Variants in CTBP2 observed in about 807,000 individuals in gnomAD.
CTBP2 encodes the protein C-terminal binding protein 2.
CTBP2 carries 30 observed loss-of-function variants against 80.3 expected under a neutral mutation model. The ratio of observed to expected loss-of-function variants is 0.37; its 90% CI spans 0.28 to 0.51. The LOEUF is 0.51. Ranked by LOEUF, CTBP2 falls within the 20% of genes least tolerant of loss-of-function variation. The probability of loss-of-function intolerance (pLI) is 0.93; values close to 1 mark genes in which losing one functional copy is unlikely to be tolerated. For synonymous variants in CTBP2, 594 were observed against 587.4 expected (o/e 1.01, Z -0.16); for missense variants, 1,212 against 1,375.3 (o/e 0.88, Z 1.88).
chr10:125,091,236 A>G (rs1476964911), intron 2 of CTBP2, among the ~76,000 whole-genome samples: 2 of 152,228 alleles, frequency 1.3e-5, no homozygotes, highest in Admixed American at 1.3e-4. Context: ...ACAATCTGCC[A>G]TATCGAATGG....
chr10:125,072,037 G>C (rs1210742321), intron 2 of CTBP2, among the ~76,000 whole-genome samples: 1 of 152,156 alleles, frequency 6.6e-6, no homozygotes, highest in African/African-American at 2.4e-5. Flanking sequence ...CTGAGACCTG[G>C]ACATGGGCTT....
intron 1 of CTBP2, among the ~76,000 whole-genome samples, chr10:125,015,314 T>C (rs912641880): frequency 2.6e-5 from 4 of 152,176 alleles, no homozygotes; most frequent in African/African-American, 9.7e-5. Flanking sequence ...TCTCTTCGAG[T>C]CCTGCACTGT....
intron 1 of CTBP2, among the ~76,000 whole-genome samples, chr10:125,023,632 TG>T (rs1454979030): frequency 1.3e-5 from 2 of 152,236 alleles, no homozygotes; most frequent in South Asian, 2.1e-4. Context: ...TGGGCCGCAC[TG>T]GGGTCCCCGC....
rs1217570050 is a variant in CTBP2, at chr10:124,993,749, C to T, written c.2531+106G>A. ...CTGTAAATGTCATCTCTGGAGTTTCCTGCCCAGGGACCTGTTTGGGAAAAG... is the reference window on the plus strand; with the variant it reads ...CTGTAAATGTCATCTCTGGAGTTTCTTGCCCAGGGACCTGTTTGGGAAAAG... On this transcript the variant is annotated intron_variant, in intron 6 of 8. Transcript: ENST00000309035. 1.1e-5 allele frequency: 15 copies of T among 1,366,742 alleles called. No homozygotes were observed. In the East Asian group the frequency reaches 3.2e-4, roughly 30 times the overall value. The allele number at this position is 1,366,742 out of a possible 1,614,324, so 84.7% of individuals were successfully genotyped here.
At chr10:125,016,675 C>G (rs1170196439) in intron 1 of CTBP2, among the ~76,000 whole-genome samples, 1 of 152,238 alleles carries the variant, frequency 6.6e-6, no homozygotes, top group Non-Finnish European at 1.5e-5. Flanking sequence ...TCCGGCAGGC[C>G]AAGGGCCAAG....
At chr10:125,075,890 G>A (rs1293557170) in intron 2 of CTBP2, among the ~76,000 whole-genome samples, 1 of 152,188 alleles carries the variant, frequency 6.6e-6, no homozygotes, top group Non-Finnish European at 1.5e-5. Flanking sequence ...TACCAAAGCT[G>A]AGCATGTGTA....
rs972003192 is a variant in CTBP2, at chr10:125,116,667, C to T, written c.-205-5574G>A. On this transcript the variant is annotated intron_variant, in intron 1 of 10. Transcript: ENST00000337195. ...TCCCTAGAGCACCACGGCACTGCCT[C>T]GGGGTATCAGTCAGTATGTGGGAAG... Among the ~76,000 whole-genome samples the T allele has an allele frequency of 6.6e-5, 10 of 152,144 alleles. 1 individual carries two copies. Among genetic ancestry groups the T allele is most frequent in the African/African-American group, 2.2e-4 (9 of 41,434 alleles).
At chr10:125,142,583 G>C (rs1326900498) in intron 1 of CTBP2, among the ~76,000 whole-genome samples, 1 of 152,224 alleles carries the variant, frequency 6.6e-6, no homozygotes, top group South Asian at 2.1e-4. Flanking sequence ...AAGACTTGCA[G>C]AACTGCATGC....
At chr10:125,023,371 G>GATATGAA (rs1957239712) in intron 1 of CTBP2, among the ~76,000 whole-genome samples, 1 of 152,228 alleles carries the variant, frequency 6.6e-6, no homozygotes, top group African/African-American at 2.4e-5. Context: ...TGAAGACAAA[G>GATATGAA]ATATGAAAAT....
chr10:125,105,133 C>T (rs1439412129), intron 2 of CTBP2, among the ~76,000 whole-genome samples: 3 of 152,034 alleles, frequency 2.0e-5, no homozygotes, highest in East Asian at 1.9e-4. Flanking sequence ...AGGCAGGCGC[C>T]GCCACCTGGC....
At position 125,003,118 on chromosome 10, in the gene CTBP2, G is replaced by A. The variant is rs747392692; in HGVS notation, c.1834-14C>T. On this transcript the variant is annotated splice_polypyrimidine_tract_variant and intron_variant, in intron 2 of 8. Coordinates refer to ENST00000309035, the MANE Select transcript of CTBP2 (RefSeq NM_022802.3). Reference sequence around the variant, plus strand: ...TTCGTTTAGAACCTGCGTGGGAACAGAGCACAGGGTCGGAGCCCCACCCCG... The same window carrying A: ...TTCGTTTAGAACCTGCGTGGGAACAAAGCACAGGGTCGGAGCCCCACCCCG... The A allele has an allele frequency of 3.1e-6, 5 of 1,613,776 alleles. No individual in the cohort carries two copies. In the South Asian group the frequency reaches 4.4e-5, roughly 14 times the overall value.
chr10:125,086,713 C>T (rs186016004), intron 2 of CTBP2, among the ~76,000 whole-genome samples: 9 of 151,616 alleles, frequency 5.9e-5, no homozygotes, highest in African/African-American at 2.2e-4. Flanking sequence ...CATCAGACAT[C>T]GAATCTGCTG....
intron 1 of CTBP2, among the ~76,000 whole-genome samples, chr10:125,007,771 G>A (rs1955427086): frequency 6.6e-6 from 1 of 152,200 alleles, no homozygotes; most frequent in South Asian, 2.1e-4. Flanking sequence ...TGTGAGCTAA[G>A]CCGACATCCT....
In CTBP2 at chr10:125,009,492, C is replaced by A. The variant is rs1351381823; in HGVS notation, c.1679-6000G>T. On this transcript the variant is annotated intron_variant, in intron 1 of 8. Coordinates refer to ENST00000309035, the MANE Select transcript of CTBP2 (RefSeq NM_022802.3). The stretch of plus-strand genomic sequence containing the variant: ...AGCCCCACTTAATATCCCACCGATC[C>A]CACCACCCTCAGAAAAGCTTCCTCT... 5.3e-5 allele frequency among the ~76,000 whole-genome samples: 8 copies of A among 152,200 alleles called. No homozygotes were observed. The South Asian group carries it at 1.2e-3, about 24-fold the overall frequency.
In CTBP2 at chr10:124,993,841, G is replaced by A. The variant is rs1000103745; in HGVS notation, c.2531+14C>T. The A allele has an allele frequency of 6.2e-7, 1 of 1,605,416 alleles. No homozygotes were observed. Among genetic ancestry groups the A allele is most frequent in the Non-Finnish European group, 8.5e-7 (1 of 1,175,866 alleles). ...CCCTGTGGGCTCCTGGTAGGCGGCT[G>A]GGGCAACACGCACCTGAAGGGCTCT... On this transcript the variant is annotated intron_variant, in intron 6 of 8. Coordinates refer to ENST00000309035, the MANE Select transcript of CTBP2 (RefSeq NM_022802.3).
chr10:125,047,929 T>TA (rs1478705323), intron 2 of CTBP2, among the ~76,000 whole-genome samples: 5 of 152,054 alleles, frequency 3.3e-5, no homozygotes, highest in East Asian at 1.9e-4. Context: ...TATGAATTTG[T>TA]AAAAAAAATC....
At chr10:125,018,564 C>CA (rs1369428726) in intron 1 of CTBP2, among the ~76,000 whole-genome samples, 1 of 81,664 alleles carries the variant, frequency 1.2e-5, no homozygotes, top group Non-Finnish European at 2.7e-5. Context: ...AACAAACAAA[C>CA]AAACAAACAA....
At position 125,026,589 on chromosome 10, in the gene CTBP2, G is replaced by C; in HGVS notation, c.1171C>G (p.Pro391Ala). ...GCTCGGGGGGATGCTGTCTGCAGAG[G>C]AGCCGCAGCGCCCAGAGAAGCCAAG... Residue 391 changes from proline to alanine, a missense_variant, in exon 1 of 9, where the codon CCT becomes GCT. Pro to Ala is a conservative substitution (Grantham distance 27, BLOSUM62 -1). This residue lies in a region of CTBP2 where 848 missense variants were observed against 782.3 expected (regional missense o/e 1.08). Coordinates refer to ENST00000309035, the MANE Select transcript of CTBP2 (RefSeq NM_022802.3). The C allele has an allele frequency of 6.4e-7, 1 of 1,561,840 alleles. No individual in the cohort carries two copies. Among genetic ancestry groups the C allele is most frequent in the Non-Finnish European group, 8.7e-7 (1 of 1,153,636 alleles).
In CTBP2 at chr10:125,021,317, G is replaced by GA. The variant is rs562934363; in HGVS notation, c.1678+4764dup. Among the ~76,000 whole-genome samples, 67 of 152,280 alleles carry GA rather than the reference G, an allele frequency of 4.4e-4. 1 individual carries two copies. The South Asian group carries it at 0.013, about 31-fold the overall frequency. ...AGACCTACCCCCTTTGACAGACATG[G>GA]AAATAGAAGCACAGAGAACTCAACA... On this transcript the variant is annotated intron_variant, in intron 1 of 8. Coordinates refer to ENST00000309035, the MANE Select transcript of CTBP2 (RefSeq NM_022802.3).
Sources: allele counts gnomAD v4.1 joint callset (sites outside exome capture counted in the v4.1 genomes callset), GRCh38; gene constraint gnomAD v4.1.1; regional missense constraint gnomAD v4.1.1; transcripts MANE v1.5; gene names NCBI Gene and HGNC (gene_info 2026-07-23, HGNC 2026-07-21).